The following PPP2R5C variants were observed in gnomAD, a reference collection of about 807,000 sequenced individuals.
PPP2R5C encodes serine/threonine-protein phosphatase 2A 56 kDa regulatory subunit gamma isoform.
In PPP2R5C, 7 loss-of-function variants were observed where a neutral mutation model predicts 68.9. The ratio of observed to expected loss-of-function variants is 0.10; its 90% CI spans 0.06 to 0.19. The LOEUF is 0.19. PPP2R5C is among the 10% of genes least tolerant of loss of function. The probability of loss-of-function intolerance (pLI) is 1.00; values close to 1 mark genes in which losing one functional copy is unlikely to be tolerated. For synonymous variants in PPP2R5C, 210 were observed against 222.2 expected (o/e 0.95, Z 0.49); for missense variants, 348 against 641.3 (o/e 0.54, Z 4.94).
At chr14:101,885,812 T>A (rs751295473) in intron 5 of PPP2R5C, among the ~76,000 whole-genome samples, 9 of 152,258 alleles carry the variant, frequency 5.9e-5, no homozygotes, top group Non-Finnish European at 1.2e-4. Flanking sequence ...ACTTGCCTGG[T>A]ATACTTATCT....
Position 101,894,711 on chromosome 14 carries a change from T to C in PPP2R5C, c.852+151T>C, listed in dbSNP as rs556954791. The C allele has an allele frequency of 7.2e-6, 5 of 689,736 alleles. No individual in the cohort carries two copies. In the Admixed American group the frequency reaches 1.1e-4, roughly 16 times the overall value. The allele number at this position is 689,736 out of a possible 1,614,324, so 42.7% of individuals were successfully genotyped here. On this transcript the variant is annotated intron_variant, in intron 8 of 13. Coordinates refer to ENST00000334743, the Ensembl canonical transcript of PPP2R5C. ...ACAGGCTCATTTCATTCATGGGTTA[T>C]AGGTTTTCAAAGTATAGTCATTTTA...
intron 2 of PPP2R5C, among the ~76,000 whole-genome samples, chr14:101,785,787 A>G (rs1467491151): frequency 6.6e-6 from 1 of 152,172 alleles, no homozygotes; most frequent in East Asian, 1.9e-4. Context: ...TTAGCAATCA[A>G]AAGTTTGAAG....
At chr14:101,905,188 T>C (rs1288115694) in intron 9 of PPP2R5C, among the ~76,000 whole-genome samples, 3 of 150,908 alleles carry the variant, frequency 2.0e-5, no homozygotes, top group African/African-American at 7.3e-5. Context: ...ACCCCGTCTC[T>C]ACTAAAAATA....
chr14:101,798,418 G>A (rs2038714930), intron 3 of PPP2R5C, among the ~76,000 whole-genome samples: 1 of 152,172 alleles, frequency 6.6e-6, no homozygotes, highest in African/African-American at 2.4e-5. Flanking sequence ...TTTACAGGTA[G>A]TTTGTTTTTA....
chr14:101,791,438 A>T lies in PPP2R5C; in HGVS notation c.259+5255A>T, dbSNP rs148551831. Reference sequence around the variant, plus strand: ...TATGAGTCCTTTATTTTAACAGAAAATAAAATACAGTAAAAATAAATTATT... The same window carrying T: ...TATGAGTCCTTTATTTTAACAGAAATTAAAATACAGTAAAAATAAATTATT... On this transcript the variant is annotated intron_variant, in intron 3 of 14. Coordinates refer to the PPP2R5C transcript ENST00000328724. 7.5e-3 allele frequency among the ~76,000 whole-genome samples: 1,138 copies of T among 152,360 alleles called. 8 individuals carry two copies. Among genetic ancestry groups the T allele is most frequent in the Middle Eastern group, 0.014 (4 of 294 alleles).
At chr14:101,881,996 C>G (rs558194302) in intron 2 of PPP2R5C, among the ~76,000 whole-genome samples, 165 bp from the exon 5 acceptor site, 1 of 152,178 alleles carries the variant, frequency 6.6e-6, no homozygotes, top group Non-Finnish European at 1.5e-5. Context: ...CAGTTTTGAT[C>G]CAGGCTCTCT....
intron 2 of PPP2R5C, among the ~76,000 whole-genome samples, chr14:101,865,057 G>A (rs1790789769): frequency 6.6e-6 from 1 of 152,182 alleles, no homozygotes; most frequent in African/African-American, 2.4e-5. Context: ...GAGATTCCTG[G>A]GGAGAGGAAC....
chr14:101,913,784 C>G lies in PPP2R5C; in HGVS notation c.1326+1311C>G. 6.6e-6 allele frequency among the ~76,000 whole-genome samples: 1 copy of G among 152,148 alleles called. No homozygotes were observed. The highest frequency in any genetic ancestry group is 1.9e-4 in the East Asian group (1 of 5,200). ...TTGCTTTGTTCTGAAGAGCCTCAGG[C>G]AAAGTGGGTGCTGATAGCCCTCAGG... On this transcript the variant is annotated intron_variant, in intron 12 of 13. Transcript: ENST00000334743. The surrounding 1 kb of genome is among the most constrained non-coding windows in gnomAD (Gnocchi z 4.1).
At chr14:101,914,416 G>T in intron 12 of PPP2R5C, 1 of 257,168 alleles carries the variant, frequency 3.9e-6, no homozygotes, top group Non-Finnish European at 7.9e-6. Context: ...TCTAAATTCT[G>T]ATCACTGCTT....
intron 3 of PPP2R5C, among the ~76,000 whole-genome samples, chr14:101,803,769 A>G (rs2038967604): frequency 6.6e-6 from 1 of 152,056 alleles, no homozygotes; most frequent in Non-Finnish European, 1.5e-5. Context: ...CTGTGACACT[A>G]CTACAAGAAA....
rs556068192 is a variant in PPP2R5C at position 101,798,714 on chromosome 14, G to A, written c.259+12531G>A. On this transcript the variant is annotated intron_variant, in intron 3 of 14. Coordinates refer to the PPP2R5C transcript ENST00000328724. ...CTTTTTGGCCCATTGGGCTGTGGAA[G>A]GTATGCTAGGTGGGCTGGGCCCAGC... Among the ~76,000 whole-genome samples the A allele has an allele frequency of 2.0e-4, 30 of 152,376 alleles. No individual in the cohort carries two copies. In the Middle Eastern group the frequency reaches 0.017, roughly 86 times the overall value.
At chr14:101,785,149 C>T (rs1201981246) in intron 2 of PPP2R5C, among the ~76,000 whole-genome samples, 1 of 152,128 alleles carries the variant, frequency 6.6e-6, no homozygotes, top group Non-Finnish European at 1.5e-5. Flanking sequence ...ACAGCTCCAG[C>T]GGAGCGTTTC....
intron 1 of PPP2R5C, chr14:101,824,062 G>C: frequency 7.8e-7 from 1 of 1,289,162 alleles, no homozygotes; most frequent in Non-Finnish European, 1.0e-6. Flanking sequence ...TCCTGTTGAA[G>C]GAACAGACTC....
intron 2 of PPP2R5C, among the ~76,000 whole-genome samples, chr14:101,764,347 G>C (rs184607281): frequency 2.3e-4 from 35 of 152,320 alleles, no homozygotes; most frequent in African/African-American, 7.9e-4. Context: ...CAGTTATCCA[G>C]AACTGGATCA....
intron 1 of PPP2R5C, among the ~76,000 whole-genome samples, chr14:101,845,202 C>T (rs962535334): frequency 6.6e-6 from 1 of 152,078 alleles, no homozygotes; most frequent in Non-Finnish European, 1.5e-5. Flanking sequence ...TTGTTGCCTG[C>T]AGCCGGAGTG....
chr14:101,796,148 T>C (rs1233163768), intron 3 of PPP2R5C, among the ~76,000 whole-genome samples: 2 of 152,174 alleles, frequency 1.3e-5, no homozygotes, highest in Non-Finnish European at 2.9e-5. Flanking sequence ...AATTGAAAGC[T>C]TTACCATAAA....
intron 2 of PPP2R5C, among the ~76,000 whole-genome samples, chr14:101,876,110 T>A (rs2043758006): frequency 6.6e-6 from 1 of 152,208 alleles, no homozygotes; most frequent in African/African-American, 2.4e-5. Flanking sequence ...TCCAGCTATA[T>A]CATTTGCAAA....
intron 1 of PPP2R5C, chr14:101,836,526 T>C (rs551679610): frequency 5.2e-6 from 3 of 576,856 alleles, no homozygotes; most frequent in South Asian, 2.3e-5. Flanking sequence ...TTTCAAAATA[T>C]TGTTTAGACA....
At chr14:101,786,608 A>G (rs1035487407) in intron 3 of PPP2R5C, among the ~76,000 whole-genome samples, 9 of 152,224 alleles carry the variant, frequency 5.9e-5, no homozygotes, top group African/African-American at 1.9e-4. Context: ...GACTGTAGCT[A>G]TAGTACATTA....
Sources: gnomAD v4.1 joint callset for allele counts (sites outside exome capture counted in the v4.1 genomes callset) on GRCh38, gnomAD v4.1.1 for gene constraint, Gnocchi (gnomAD v3.1) non-coding constraint, MANE v1.5 for transcripts, NCBI Gene and HGNC (gene_info 2026-07-23, HGNC 2026-07-21) for gene names.